SPTBN2: variants seen among roughly 807,000 people sequenced by gnomAD.
The protein encoded by SPTBN2 is spectrin beta chain, non-erythrocytic 2.
SPTBN2 carries 107 observed loss-of-function variants against 284.2 expected under a neutral mutation model. The observed-to-expected ratio is 0.38, with a 90% CI of 0.32 to 0.44. SPTBN2 has a LOEUF of 0.44. Ranked by LOEUF, SPTBN2 falls within the 20% of genes least tolerant of loss-of-function variation. SPTBN2 has a pLI of 1.00. For missense variants in SPTBN2, 2,569 were observed against 3,287.1 expected, an observed-to-expected ratio of 0.78 and a Z score of 5.34; for synonymous variants, 1,289 against 1,354.8, an observed-to-expected ratio of 0.95 and a Z score of 1.07.
In SPTBN2 at chr11:66,704,810, C is replaced by G. The variant is rs1804819210; in HGVS notation, c.2466G>C (p.Glu822Asp). The G allele has an allele frequency of 1.2e-6, 2 of 1,605,948 alleles. No individual in the cohort carries two copies. Among genetic ancestry groups the G allele is most frequent in the Non-Finnish European group, 8.5e-7 (1 of 1,178,978 alleles). ...CCAGGGTGGGCACCCGGCTCTGCAC[C>G]TCGGGCGTGCGGCTCAGTGTGGGGG... ...ALPPTLSRTP[E>D]VQSRVPTLER... The change falls in exon 15 of 38, where the codon GAG becomes GAC. Residue 822 changes from glutamate (E) to aspartate (D), a missense_variant. Physicochemically the swap from Glu to Asp is conservative, Grantham distance 45. This residue lies in a region of SPTBN2 where 1,012 missense variants were observed against 1,248.9 expected (regional missense o/e 0.81). Coordinates refer to ENST00000533211, the MANE Select transcript of SPTBN2 (RefSeq NM_006946.4).
Position 66,701,674 on chromosome 11 carries a change from G to A in SPTBN2, c.2726C>T (p.Thr909Ile). The A allele has an allele frequency of 6.2e-7, 1 of 1,614,078 alleles. No homozygotes were observed. Among genetic ancestry groups the A allele is most frequent in the South Asian group, 1.1e-5 (1 of 91,080 alleles). Residue 909 changes from threonine to isoleucine, a missense_variant, in exon 16 of 38, where the codon ACC becomes ATC. Physicochemically the swap from Thr to Ile is moderately conservative, Grantham distance 89 (BLOSUM62 -1). Around this residue, in one of 6 missense-constraint regions of SPTBN2, gnomAD observed 1,012 missense variants for 1,248.9 expected, o/e 0.81. Coordinates refer to ENST00000533211, the MANE Select transcript of SPTBN2 (RefSeq NM_006946.4). ...PEMNTLAAQITAVNDIAEQLL... is the reference protein window; with the variant it reads ...PEMNTLAAQIIAVNDIAEQLL... The stretch of plus-strand genomic sequence containing the variant: ...CTGCTCGGCAATGTCATTCACCGCG[G>A]TGATTTGTGCTGCAAGGGTGTTCAT...
At position 66,713,816 on chromosome 11, in the gene SPTBN2, C is replaced by T. The variant is rs142797448; in HGVS notation, c.657-70G>A. On this transcript the variant is annotated intron_variant, in intron 7 of 37. Coordinates refer to ENST00000533211, the MANE Select transcript of SPTBN2 (RefSeq NM_006946.4). ...CTCGAAGAGGAAGAGGAAACCCACA[C>T]CAATCTTTATCCCTAAGTCACCGAC... 1,055 of 1,314,102 alleles carry T rather than the reference C, an allele frequency of 8.0e-4. 9 individuals carry two copies. The African/African-American group carries it at 0.014, about 17-fold the overall frequency. The allele number at this position is 1,314,102 out of a possible 1,614,324, so 81.4% of individuals were successfully genotyped here. A position where few individuals can be genotyped will look rare whatever the true frequency, so the allele number is the denominator to read the frequency against.
At chr11:66,696,675 C>T (rs561901119) in intron 20 of SPTBN2, 135 bp from the exon 21 acceptor site, 32 of 1,218,196 alleles carry the variant, frequency 2.6e-5, no homozygotes, top group Admixed American at 1.3e-4. Flanking sequence ...GTGTTCTTAT[C>T]GACACACTCT....
At chr11:66,689,594 A>G (rs1940394736) in intron 29 of SPTBN2, among the ~76,000 whole-genome samples, 1 of 152,144 alleles carries the variant, frequency 6.6e-6, no homozygotes, top group Non-Finnish European at 1.5e-5. Flanking sequence ...GTGAGCCACC[A>G]TGCCTGGCCC....
In SPTBN2 at chr11:66,683,624, C is replaced by T. The variant is rs1039440901; in HGVS notation, c.*2247G>A. 2.0e-5 allele frequency among the ~76,000 whole-genome samples: 3 copies of T among 152,246 alleles called. No individual in the cohort carries two copies. The highest frequency in any genetic ancestry group is 4.4e-5 in the Non-Finnish European group (3 of 68,046). On this transcript the variant is annotated 3_prime_UTR_variant, in exon 38 of 38. Transcript: ENST00000533211. ...TGCTGCCGCATATGCAGATGCTGCTCGGGGTCTTCAGTCTCACCTCTCCGT... is the reference window on the plus strand; with the variant it reads ...TGCTGCCGCATATGCAGATGCTGCTTGGGGTCTTCAGTCTCACCTCTCCGT...
Position 66,696,387 on chromosome 11 carries a change from G to A in SPTBN2, c.4168C>T (p.Gln1390Ter). 6.2e-7 allele frequency: 1 copy of A among 1,613,386 alleles called. No individual in the cohort carries two copies. Among genetic ancestry groups the A allele is most frequent in the Middle Eastern group, 1.6e-4 (1 of 6,062 alleles). ...FDANRAELFA[Q>*]SCCALESWLE... ...CAGCTCTCCAGGGCACAGCAGCTCT[G>A]GGCAAACAGCTCAGCTCGGTTGGCA... The change falls in exon 21 of 38, where the codon CAG (glutamine) becomes TAG (stop). Residue 1390 changes from glutamine to a stop codon, truncating the protein, a stop_gained. Coordinates refer to ENST00000533211, the MANE Select transcript of SPTBN2 (RefSeq NM_006946.4). LOFTEE classifies it high-confidence loss of function.
rs974104047 is a variant in SPTBN2, at chr11:66,683,964, C to T, written c.*1907G>A. Among the ~76,000 whole-genome samples, 2 of 152,308 alleles carry T rather than the reference C, an allele frequency of 1.3e-5. No homozygotes were observed. The highest frequency in any genetic ancestry group is 3.9e-4 in the East Asian group (2 of 5,188). On this transcript the variant is annotated 3_prime_UTR_variant, in exon 38 of 38. Coordinates refer to ENST00000533211, the MANE Select transcript of SPTBN2 (RefSeq NM_006946.4). ...ACAGATTGTTCTAGTTACGCGTATC[C>T]ACCTGTTGGCTGTGGAACAGTAAAT...
chr11:66,733,130 G>T (rs147316453), upstream of SPTBN2, among the ~76,000 whole-genome samples: 9 of 152,244 alleles, frequency 5.9e-5, no homozygotes, highest in East Asian at 5.8e-4. Flanking sequence ...ATTATTTAAA[G>T]AATTTTGATT....
At chr11:66,724,148 C>T (rs952913218) in intron 1 of SPTBN2, among the ~76,000 whole-genome samples, 7 of 152,172 alleles carry the variant, frequency 4.6e-5, no homozygotes, top group African/African-American at 1.4e-4. Context: ...TGGCCGGGTG[C>T]GGAGGCTCAC....
intron 7 of SPTBN2, 28 bp from the exon 8 acceptor site, chr11:66,713,774 T>A: frequency 2.0e-6 from 3 of 1,517,480 alleles, no homozygotes; most frequent in South Asian, 2.2e-5. Flanking sequence ...ACAGAAGGGA[T>A]CAGAAACATG....
At position 66,698,989 on chromosome 11, in the gene SPTBN2, C is replaced by A. The variant is rs753473374; in HGVS notation, c.3867+3G>T. The A allele has an allele frequency of 8.1e-6, 13 of 1,614,102 alleles. No individual in the cohort carries two copies. The highest frequency in any genetic ancestry group is 1.0e-5 in the Non-Finnish European group (12 of 1,180,052). On this transcript the variant is annotated splice_donor_region_variant and intron_variant, in intron 19 of 37. Coordinates refer to ENST00000533211, the MANE Select transcript of SPTBN2 (RefSeq NM_006946.4). Reference sequence around the variant, plus strand: ...AATATCCCGGGGCCCCAGGGAGCCTCACCTCGTGACAATCTTGCAGGAAAT... The same window carrying A: ...AATATCCCGGGGCCCCAGGGAGCCTAACCTCGTGACAATCTTGCAGGAAAT...
rs2276137 is a variant in SPTBN2 at position 66,688,861 on chromosome 11, G to A, written c.6035-12C>T. 1.1e-4 allele frequency: 176 copies of A among 1,610,400 alleles called. No homozygotes were observed. In the East Asian group the frequency reaches 3.5e-3, roughly 32 times the overall value. Reference sequence around the variant, plus strand: ...AAGCACCTCCAAAACTGGCAGGATCGGGGGTTGCAGGAAGATGGTGGGTCA... The same window carrying A: ...AAGCACCTCCAAAACTGGCAGGATCAGGGGTTGCAGGAAGATGGTGGGTCA... On this transcript the variant is annotated splice_polypyrimidine_tract_variant and intron_variant, in intron 30 of 37. Coordinates refer to ENST00000533211, the MANE Select transcript of SPTBN2 (RefSeq NM_006946.4).
intron 3 of SPTBN2, among the ~76,000 whole-genome samples, chr11:66,719,916 A>G (rs1464586104): frequency 6.6e-6 from 1 of 152,194 alleles, no homozygotes; most frequent in East Asian, 1.9e-4. Flanking sequence ...AGCCGGCCTG[A>G]AGACCCAACC....
In SPTBN2 at chr11:66,692,628, G is replaced by A. The variant is rs1185093392; in HGVS notation, c.5098C>T (p.Arg1700Cys). ...LQEHLRLCQL[R>C]RELDDLEQWI... ...TGTTCCAGGTCATCCAGCTCGCGGC[G>A]GAGCTGGCACAGCCGGAGGTGCTCC... is the stretch of plus-strand genomic sequence containing the variant. Residue 1700 changes from arginine to cysteine, a missense_variant, in exon 26 of 38, where the codon CGC becomes TGC. Physicochemically the swap from Arg to Cys is radical, Grantham distance 180. Around this residue, in one of 6 missense-constraint regions of SPTBN2, gnomAD observed 1,130 missense variants for 1,317.3 expected, o/e 0.86. Coordinates refer to ENST00000533211, the MANE Select transcript of SPTBN2 (RefSeq NM_006946.4). 4 of 1,606,200 alleles carry A rather than the reference G, an allele frequency of 2.5e-6. No individual in the cohort carries two copies. The highest frequency in any genetic ancestry group is 1.1e-5 in the South Asian group (1 of 91,076).
chr11:66,718,278 G>A lies in SPTBN2; in HGVS notation c.158-2297C>T, dbSNP rs1292517422. 1.3e-5 allele frequency among the ~76,000 whole-genome samples: 2 copies of A among 152,178 alleles called. No homozygotes were observed. Among genetic ancestry groups the A allele is most frequent in the African/African-American group, 2.4e-5 (1 of 41,438 alleles). ...TCCGTTGACATCTGTGTATTTTCCGGCCTCTTGTAATTATCCCCTCTAAGC... is the reference window on the plus strand; with the variant it reads ...TCCGTTGACATCTGTGTATTTTCCGACCTCTTGTAATTATCCCCTCTAAGC... On this transcript the variant is annotated intron_variant, in intron 3 of 37. Transcript: ENST00000533211. This position sits in a 1 kb window ranked among gnomAD's most constrained non-coding sequence, Gnocchi z 4.8.
chr11:66,698,842 G>A, intron 19 of SPTBN2, 57 bp from the exon 20 acceptor site: 1 of 1,609,608 alleles, frequency 6.2e-7, no homozygotes, highest in Non-Finnish European at 8.5e-7. Context: ...GGGCATAAAA[G>A]CAGGGCCACA....
chr11:66,690,998 G>A (rs950305253), intron 27 of SPTBN2, among the ~76,000 whole-genome samples: 2 of 152,084 alleles, frequency 1.3e-5, no homozygotes. Context: ...TGTATTTTTA[G>A]TAGAGAAGGG....
At position 66,700,374 on chromosome 11, in the gene SPTBN2, T is replaced by C; in HGVS notation, c.3573+152A>G. The C allele has an allele frequency of 9.4e-7, 1 of 1,060,074 alleles. No individual in the cohort carries two copies. 65.7% of individuals were successfully genotyped at this position (1,060,074 alleles called of 1,614,324 possible). A position where few individuals can be genotyped will look rare whatever the true frequency, so the allele number is the denominator to read the frequency against. On this transcript the variant is annotated intron_variant, in intron 17 of 37. Transcript: ENST00000533211. This position sits in a 1 kb window ranked among gnomAD's most constrained non-coding sequence, Gnocchi z 6.6. ...TCTCAGCCTCAAGTGATCCTCCTACTTTGGCCTCCCAAAGTGCTGGAATTT... is the reference window on the plus strand; with the variant it reads ...TCTCAGCCTCAAGTGATCCTCCTACCTTGGCCTCCCAAAGTGCTGGAATTT...
At chr11:66,702,734 C>T (rs537344532) in intron 15 of SPTBN2, among the ~76,000 whole-genome samples, 5 of 151,484 alleles carry the variant, frequency 3.3e-5, no homozygotes, top group South Asian at 2.1e-4. Flanking sequence ...GTCAGGAGAT[C>T]GAGACCATCC....
Sources: gnomAD v4.1 joint callset for allele counts (sites outside exome capture counted in the v4.1 genomes callset) on GRCh38, gnomAD v4.1.1 for gene constraint, gnomAD v4.1.1 regional missense constraint, Gnocchi (gnomAD v3.1) non-coding constraint, MANE v1.5 for transcripts, NCBI Gene and HGNC (gene_info 2026-07-23, HGNC 2026-07-21) for gene names.